Variants in TENM3 observed in about 807,000 individuals in gnomAD.
TENM3 encodes the protein teneurin transmembrane protein 3.
Under a neutral mutation model 255.1 loss-of-function variants are expected in TENM3, and 63 were observed. The ratio of observed to expected loss-of-function variants is 0.25; its 90% CI spans 0.20 to 0.30. TENM3 has a LOEUF of 0.30. Among genes scored for constraint, TENM3 ranks in the 10% least tolerant of loss-of-function variants. TENM3 has a pLI of 1.00. For synonymous variants in TENM3, 1,306 were observed against 1,322.3 expected, an observed-to-expected ratio of 0.99 and a Z score of 0.27; for missense variants, 2,929 against 3,461.1, an observed-to-expected ratio of 0.85 and a Z score of 3.86.
chr4:182,526,499 G>A (rs1437520219), intron 3 of TENM3, among the ~76,000 whole-genome samples: 2 of 151,924 alleles, frequency 1.3e-5, no homozygotes, highest in Admixed American at 6.6e-5. Context: ...ACCTGACATC[G>A]TTGTCAGGTA....
chr4:182,791,561 T>C (rs1766104945), intron 25 of TENM3, among the ~76,000 whole-genome samples: 1 of 152,240 alleles, frequency 6.6e-6, no homozygotes, highest in Non-Finnish European at 1.5e-5. Context: ...TTATTGCTCC[T>C]GAGATACAAA....
intron 2 of TENM3, among the ~76,000 whole-genome samples, chr4:182,329,355 G>T (rs1763614779): frequency 6.6e-6 from 1 of 152,222 alleles, no homozygotes; most frequent in Admixed American, 6.5e-5. Flanking sequence ...ATGTTGCCTT[G>T]TGGGAGCAGC....
the TENM3 span, among the ~76,000 whole-genome samples, chr4:181,967,434 G>A: frequency 1.3e-5 from 2 of 152,172 alleles, no homozygotes; most frequent in East Asian, 1.9e-4. Flanking sequence ...CTCAACAAGT[G>A]TTTGTTCCTC....
the TENM3 span, among the ~76,000 whole-genome samples, chr4:181,798,166 A>T: frequency 5.3e-5 from 8 of 151,986 alleles, no homozygotes; most frequent in Non-Finnish European, 1.2e-4. Context: ...GAATTTACAC[A>T]CTGATAAGTA....
rs1334700504 is a variant in TENM3 at position 182,757,235 on chromosome 4, C to T, written c.4892+1976C>T. The stretch of plus-strand genomic sequence containing the variant: ...GCTGAGGCAGAAGAATGGCATGAAC[C>T]CGGGAGGTGGAGGTTGCAGTGAGCT... On this transcript the variant is annotated intron_variant, in intron 22 of 27. Transcript: ENST00000511685. Among the ~76,000 whole-genome samples the T allele has an allele frequency of 4.8e-5, 7 of 146,462 alleles. No individual in the cohort carries two copies. In the East Asian group the frequency reaches 6.3e-4, roughly 13 times the overall value.
chr4:181,894,696 G>T, the TENM3 span, among the ~76,000 whole-genome samples: 1 of 151,518 alleles, frequency 6.6e-6, no homozygotes. Context: ...CTGGTGTTAG[G>T]GGCTTTGCCA....
At chr4:181,782,473 T>G in the TENM3 span, among the ~76,000 whole-genome samples, 1 of 152,212 alleles carries the variant, frequency 6.6e-6, no homozygotes, top group Non-Finnish European at 1.5e-5. Flanking sequence ...GATATCCCCT[T>G]TATCATTTTT....
At chr4:182,261,257 A>T (rs12640156) in intron 1 of TENM3, among the ~76,000 whole-genome samples, 17,742 of 152,214 alleles carry the variant, frequency 0.12, 1,276 homozygotes, top group African/African-American at 0.2. Context: ...ACTGATTTGG[A>T]CACTCAGTGT....
At chr4:182,022,000 A>C in the TENM3 span, among the ~76,000 whole-genome samples, 1 of 152,290 alleles carries the variant, frequency 6.6e-6, no homozygotes, top group Non-Finnish European at 1.5e-5. Flanking sequence ...CAAAGAACTA[A>C]AAACAGAGCT....
At chr4:181,676,989 C>CTT in the TENM3 span, among the ~76,000 whole-genome samples, 7,848 of 137,646 alleles carry the variant, frequency 0.057, 313 homozygotes, top group Middle Eastern at 0.12. Flanking sequence ...CCGATTTTAT[C>CTT]TTTTTTTTTT....
At chr4:181,793,759 A>C in the TENM3 span, among the ~76,000 whole-genome samples, 1 of 152,230 alleles carries the variant, frequency 6.6e-6, no homozygotes, top group Non-Finnish European at 1.5e-5. Context: ...CATACAAAGA[A>C]GAAAATGCTG....
the TENM3 span, among the ~76,000 whole-genome samples, chr4:181,518,589 G>A: frequency 0.2 from 30,670 of 151,884 alleles, 4,008 homozygotes; most frequent in Non-Finnish European, 0.3. Flanking sequence ...CACCATGCCC[G>A]GATAATTTTT....
chr4:181,781,621 G>A, the TENM3 span, among the ~76,000 whole-genome samples: 2 of 152,094 alleles, frequency 1.3e-5, no homozygotes, highest in African/African-American at 4.8e-5. Flanking sequence ...TCTTTCTCGT[G>A]TCTGATTGCC....
the TENM3 span, among the ~76,000 whole-genome samples, chr4:182,114,230 A>G: frequency 1.3e-5 from 2 of 152,138 alleles, no homozygotes; most frequent in African/African-American, 4.8e-5. Context: ...AAAGAATTTT[A>G]GAAGTTCCTG....
the TENM3 span, among the ~76,000 whole-genome samples, chr4:181,601,040 C>A: frequency 6.6e-6 from 1 of 152,106 alleles, no homozygotes; most frequent in Non-Finnish European, 1.5e-5. Flanking sequence ...GGGCAGAGCC[C>A]AGAGTGGGGT....
intron 2 of TENM3, among the ~76,000 whole-genome samples, chr4:182,332,979 A>G (rs1000301732): frequency 6.6e-6 from 1 of 152,196 alleles, no homozygotes; most frequent in Non-Finnish European, 1.5e-5. Flanking sequence ...ATTTTTTCTC[A>G]GAAAATATGA....
chr4:182,749,555 A>G (rs1298264672), intron 19 of TENM3, among the ~76,000 whole-genome samples: 3 of 152,190 alleles, frequency 2.0e-5, no homozygotes, highest in Non-Finnish European at 4.4e-5. Context: ...GCCCTGTTCT[A>G]AGGATCTTAC....
chr4:181,952,576 G>A, the TENM3 span, among the ~76,000 whole-genome samples: 1 of 152,218 alleles, frequency 6.6e-6, no homozygotes, highest in Admixed American at 6.5e-5. Context: ...CAATTCATTA[G>A]GCCTTGTGCT....
chr4:182,401,116 G>GT (rs888041714), intron 3 of TENM3, among the ~76,000 whole-genome samples: 6 of 141,664 alleles, frequency 4.2e-5, no homozygotes, highest in African/African-American at 1.9e-4. Flanking sequence ...TCAGCTTGGA[G>GT]TTTTTTTCCC....
Sources: allele counts gnomAD v4.1 joint callset (sites outside exome capture counted in the v4.1 genomes callset), GRCh38; gene constraint gnomAD v4.1.1; transcripts MANE v1.5; gene names NCBI Gene and HGNC (gene_info 2026-07-23, HGNC 2026-07-21).